Variants in MARK2 observed in about 807,000 individuals in gnomAD.
MARK2 encodes the protein serine/threonine-protein kinase MARK2.
A neutral mutation model predicts 89.8 loss-of-function variants in MARK2; 16 were observed. The ratio of observed to expected loss-of-function variants is 0.18; its 90% CI spans 0.12 to 0.27. The LOEUF (loss-of-function observed/expected upper bound fraction) is 0.27, where lower values mean the gene tolerates loss of function less well. Among genes scored for constraint, MARK2 ranks in the 10% least tolerant of loss-of-function variants. The probability of loss-of-function intolerance (pLI) is 1.00; values close to 1 mark genes in which losing one functional copy is unlikely to be tolerated. For synonymous variants in MARK2, 382 were observed against 399.5 expected, an observed-to-expected ratio of 0.96 and a Z score of 0.52; for missense variants, 621 against 1,049.9, an observed-to-expected ratio of 0.59 and a Z score of 5.65.
chr11:63,870,546 T>C (rs1268416245), intron 1 of MARK2, among the ~76,000 whole-genome samples: 2 of 151,946 alleles, frequency 1.3e-5, no homozygotes, highest in Admixed American at 1.3e-4. Flanking sequence ...CTGGAGAGCC[T>C]GTTAGGTGCC....
rs767626610 is a variant in MARK2 at position 63,902,286 on chromosome 11, G to A, written c.1190G>A (p.Arg397His). 1.1e-5 allele frequency: 18 copies of A among 1,614,014 alleles called. No individual in the cohort carries two copies. The highest frequency in any genetic ancestry group is 1.5e-5 in the Non-Finnish European group (18 of 1,180,016). ...SAPSPSHKVQ[R>H]SVSANPKQRR... ...CCATCCCCATCCCACAAGGTACAGC[G>A]CAGCGTGTCGGCCAATCCCAAGCAG... The change falls in exon 12 of 19, where the codon CGC becomes CAC. Residue 397 changes from arginine (R) to histidine (H), a missense_variant. Physicochemically the swap from Arg to His is conservative, Grantham distance 29. Around this residue, in one of 5 missense-constraint regions of MARK2, gnomAD observed 397 missense variants for 567.8 expected, o/e 0.70. Transcript: ENST00000402010. This position sits in a 1 kb window ranked among gnomAD's most constrained non-coding sequence, Gnocchi z 4.2.
intron 1 of MARK2, among the ~76,000 whole-genome samples, chr11:63,890,921 T>A (rs1010496719): frequency 1.3e-5 from 2 of 152,218 alleles, no homozygotes; most frequent in Non-Finnish European, 2.9e-5. Context: ...ACTGCAGAGT[T>A]CCTCGGGATC....
rs900195613 is a variant in MARK2 at position 63,900,553 on chromosome 11, C to T, written c.769-6C>T. ...TTCAATTTTCTAACCCTGGATCCTC[C>T]TGCAGGAGCTGCGGGAACGGGTACT... On this transcript the variant is annotated splice_region_variant and splice_polypyrimidine_tract_variant and intron_variant, in intron 8 of 18. Transcript: ENST00000402010. This position sits in a 1 kb window ranked among gnomAD's most constrained non-coding sequence, Gnocchi z 4.7. 5.0e-6 allele frequency: 8 copies of T among 1,613,862 alleles called. No individual in the cohort carries two copies. Among genetic ancestry groups the T allele is most frequent in the Non-Finnish European group, 5.9e-6 (7 of 1,179,842 alleles).
intron 1 of MARK2, among the ~76,000 whole-genome samples, chr11:63,894,651 G>T (rs897890350): frequency 2.0e-5 from 3 of 152,172 alleles, no homozygotes; most frequent in Non-Finnish European, 2.9e-5. Flanking sequence ...AGCTGAGATC[G>T]CACCATTGCA....
At chr11:63,879,357 CACACAA>C (rs939335127) in intron 1 of MARK2, among the ~76,000 whole-genome samples, 4 of 152,066 alleles carry the variant, frequency 2.6e-5, no homozygotes, top group Non-Finnish European at 5.9e-5. Flanking sequence ...CACTATCTAT[CACACAA>C]GTAAGTTGTC....
At chr11:63,885,922 A>C (rs1323040371) in intron 1 of MARK2, among the ~76,000 whole-genome samples, 1 of 151,800 alleles carries the variant, frequency 6.6e-6, no homozygotes, top group African/African-American at 2.4e-5. Flanking sequence ...AGGCCAGGAG[A>C]TCGAGACCAT....
intron 1 of MARK2, chr11:63,888,968 T>C: frequency 1.5e-6 from 2 of 1,351,490 alleles, no homozygotes; most frequent in Non-Finnish European, 2.0e-6. Context: ...CAGTCGGGTA[T>C]GTTGTCCCCC....
At chr11:63,889,827 C>A (rs1170737495) in intron 1 of MARK2, among the ~76,000 whole-genome samples, 1 of 152,236 alleles carries the variant, frequency 6.6e-6, no homozygotes, top group Admixed American at 6.5e-5. Flanking sequence ...CTACTCTTGA[C>A]AGACCTCCTC....
Position 63,849,221 on chromosome 11 carries a change from G to A in MARK2, c.54+9661G>A, listed in dbSNP as rs572862198. On this transcript the variant is annotated intron_variant, in intron 1 of 18. Transcript: ENST00000402010. ...CACTCCCTACTTCTCCGCCACAGAA[G>A]ACTGTCATTGGCTATCTTTGCAAGT... is the stretch of plus-strand genomic sequence containing the variant. Among the ~76,000 whole-genome samples, 3 of 152,304 alleles carry A rather than the reference G, an allele frequency of 2.0e-5. No homozygotes were observed. The East Asian group carries it at 5.8e-4, about 29-fold the overall frequency.
chr11:63,864,692 T>C (rs1938027313), intron 1 of MARK2, among the ~76,000 whole-genome samples: 1 of 151,156 alleles, frequency 6.6e-6, no homozygotes, highest in South Asian at 2.1e-4. Flanking sequence ...CCACTGTGCC[T>C]GCTCTGTTGC....
intron 18 of MARK2, 74 bp downstream of exon 18, chr11:63,908,378 T>G: frequency 1.6e-6 from 2 of 1,263,932 alleles, no homozygotes; most frequent in Non-Finnish European, 2.2e-6. Context: ...CCTCTCTTCC[T>G]TCTGCCACTT....
chr11:63,905,104 G>C, intron 16 of MARK2, 61 bp downstream of exon 16: 1 of 1,520,444 alleles, frequency 6.6e-7, no homozygotes, highest in South Asian at 1.2e-5. Flanking sequence ...TTTACTCGGG[G>C]TGGGTTGGGG....
At chr11:63,888,507 A>G (rs1939548928) in intron 1 of MARK2, 3 of 1,005,646 alleles carry the variant, frequency 3.0e-6, no homozygotes, top group African/African-American at 3.5e-5. Flanking sequence ...GGGGGAGGGG[A>G]GAAGGAAGTT....
chr11:63,872,135 A>T (rs1431778911), intron 1 of MARK2, among the ~76,000 whole-genome samples: 1 of 152,182 alleles, frequency 6.6e-6, no homozygotes, highest in African/African-American at 2.4e-5. Flanking sequence ...TGTAGTGGCC[A>T]TTCCTCCGGC....
In MARK2 at chr11:63,902,945, C is replaced by T; in HGVS notation, c.1417-116C>T. ...AATGCAGAATCCTTTCCTTAACCTA[C>T]CACTGTCTGCTTCAGGTGGAAGGGA... is the stretch of plus-strand genomic sequence containing the variant. On this transcript the variant is annotated intron_variant, in intron 13 of 18. Coordinates refer to ENST00000402010, the MANE Select transcript of MARK2 (RefSeq NM_001039469.3). This position sits in a 1 kb window ranked among gnomAD's most constrained non-coding sequence, Gnocchi z 4.2. 9.2e-7 allele frequency: 1 copy of T among 1,088,180 alleles called. No individual in the cohort carries two copies. The highest frequency in any genetic ancestry group is 1.4e-6 in the Non-Finnish European group (1 of 715,624). The allele number at this position is 1,088,180 out of a possible 1,614,324, so 67.4% of individuals were successfully genotyped here. A position where few individuals can be genotyped will look rare whatever the true frequency, so the allele number is the denominator to read the frequency against.
At chr11:63,852,847 G>A (rs997145238) in intron 1 of MARK2, among the ~76,000 whole-genome samples, 3 of 152,130 alleles carry the variant, frequency 2.0e-5, no homozygotes, top group African/African-American at 7.2e-5. Flanking sequence ...TAAAGAAAAA[G>A]GAATTGCATA....
In MARK2 at chr11:63,902,183, T is replaced by A; in HGVS notation, c.1102-15T>A. The A allele has an allele frequency of 1.2e-6, 2 of 1,613,638 alleles. No homozygotes were observed. The highest frequency in any genetic ancestry group is 1.7e-6 in the Non-Finnish European group (2 of 1,179,728). On this transcript the variant is annotated splice_polypyrimidine_tract_variant and intron_variant, in intron 11 of 18. Coordinates refer to ENST00000402010, the MANE Select transcript of MARK2 (RefSeq NM_001039469.3). The surrounding 1 kb of genome is among the most constrained non-coding windows in gnomAD (Gnocchi z 4.2). ...ACTTCTGCCCTCCCTTGAAGCTGTT[T>A]TCTGTTTCTTTCAGCTGGAAGGCGA...
chr11:63,851,876 C>G (rs1465172894), intron 1 of MARK2, among the ~76,000 whole-genome samples: 1 of 152,030 alleles, frequency 6.6e-6, no homozygotes, highest in African/African-American at 2.4e-5. Flanking sequence ...TAAGCTGATT[C>G]TAGGCTGTTG....
intron 1 of MARK2, among the ~76,000 whole-genome samples, chr11:63,874,911 C>T (rs1327992627): frequency 6.6e-6 from 1 of 152,036 alleles, no homozygotes; most frequent in Non-Finnish European, 1.5e-5. Flanking sequence ...AAGTCTGTTC[C>T]CATGGGGTAG....
Sources: gnomAD v4.1 joint callset for allele counts (sites outside exome capture counted in the v4.1 genomes callset) on GRCh38, gnomAD v4.1.1 for gene constraint, gnomAD v4.1.1 regional missense constraint, Gnocchi (gnomAD v3.1) non-coding constraint, MANE v1.5 for transcripts, NCBI Gene and HGNC (gene_info 2026-07-23, HGNC 2026-07-21) for gene names.